Variants in POT1 observed in about 807,000 individuals in gnomAD.
The protein encoded by POT1 is protection of telomeres 1.
In POT1, 47 loss-of-function variants were observed where a neutral mutation model predicts 78.5. The observed-to-expected ratio is 0.60, with a 90% CI of 0.47 to 0.76. POT1 has a LOEUF of 0.76. Ranked by LOEUF, POT1 falls within the 30% of genes least tolerant of loss-of-function variation. POT1 has a pLI of 0.00. For missense variants in POT1, 646 were observed against 749.9 expected (o/e 0.86, Z 1.62); for synonymous variants, 259 against 260.7 (o/e 0.99, Z 0.06).
intron 16 of POT1, 113 bp from the exon 17 acceptor site, chr7:124,827,418 A>G (rs1794658405): frequency 4.2e-6 from 2 of 472,728 alleles, no homozygotes; most frequent in Non-Finnish European, 7.2e-6. Flanking sequence ...TACTAAAATA[A>G]CTCAAGATAC....
intron 2 of POT1, among the ~76,000 whole-genome samples, chr7:124,924,676 G>C (rs1425352760): frequency 6.6e-6 from 1 of 151,864 alleles, no homozygotes; most frequent in East Asian, 1.9e-4. Context: ...AAAAACTACA[G>C]ACTAGTATCT....
intron 15 of POT1, among the ~76,000 whole-genome samples, chr7:124,832,111 T>A (rs1794776005): frequency 6.6e-6 from 1 of 151,022 alleles, no homozygotes; most frequent in Non-Finnish European, 1.5e-5. Context: ...CTACAAAAAT[T>A]AGCCAGGTGT....
At chr7:124,876,380 T>G (rs565057627) in intron 6 of POT1, among the ~76,000 whole-genome samples, 34 of 152,220 alleles carry the variant, frequency 2.2e-4, no homozygotes, top group Non-Finnish European at 3.5e-4. Flanking sequence ...TGATTGTTTT[T>G]CCTATTATGC....
Position 124,852,956 on chromosome 7 carries a change from A to C in POT1, c.869+16T>G. On this transcript the variant is annotated intron_variant, in intron 10 of 18. Transcript: ENST00000357628. ...ATCGATACCTTATTTACATTTTCTA[A>C]ATACTAAAAGCTTACTTTTTCAGTT... is the stretch of plus-strand genomic sequence containing the variant. The C allele has an allele frequency of 6.2e-7, 1 of 1,603,004 alleles. No homozygotes were observed. The highest frequency in any genetic ancestry group is 2.2e-5 in the East Asian group (1 of 44,768).
At chr7:124,829,529 A>G (rs1584749389) in intron 15 of POT1, among the ~76,000 whole-genome samples, 187 bp from the exon 16 acceptor site, 1 of 152,214 alleles carries the variant, frequency 6.6e-6, no homozygotes, top group East Asian at 1.9e-4. Flanking sequence ...AGCTTATTAC[A>G]TAAGGGCAAT....
intron 11 of POT1, among the ~76,000 whole-genome samples, chr7:124,849,608 A>G (rs1032653995): frequency 7.9e-5 from 12 of 152,278 alleles, no homozygotes; most frequent in African/African-American, 2.9e-4. Flanking sequence ...CCTTAGATAC[A>G]TCGACCTCAC....
chr7:124,836,056 CCT>C, intron 14 of POT1, among the ~76,000 whole-genome samples: 1 of 152,216 alleles, frequency 6.6e-6, no homozygotes, highest in South Asian at 2.1e-4. Flanking sequence ...TTAAAAAATA[CCT>C]CTGTGTATTT....
intron 6 of POT1, among the ~76,000 whole-genome samples, chr7:124,879,780 A>G (rs1394015362): frequency 6.6e-6 from 1 of 152,138 alleles, no homozygotes; most frequent in Non-Finnish European, 1.5e-5. Context: ...AAAAATCACT[A>G]TCACTTCTCT....
chr7:124,928,376 A>G (rs1447632021), intron 2 of POT1, among the ~76,000 whole-genome samples: 1 of 152,212 alleles, frequency 6.6e-6, no homozygotes. Context: ...CAACATGCAC[A>G]TAAGGACTGC....
intron 15 of POT1, among the ~76,000 whole-genome samples, chr7:124,834,583 G>A (rs1361339277): frequency 6.6e-6 from 1 of 151,660 alleles, no homozygotes; most frequent in Non-Finnish European, 1.5e-5. Flanking sequence ...TCATTAAAAA[G>A]TCAGGAAACA....
chr7:124,864,385 C>G (rs1348682159), intron 7 of POT1, among the ~76,000 whole-genome samples: 2 of 152,020 alleles, frequency 1.3e-5, no homozygotes, highest in Non-Finnish European at 2.9e-5. Context: ...TCAATCTTTT[C>G]CTTGCAATTG....
rs112666171 is a variant in POT1 at position 124,848,088 on chromosome 7, CAT to C, written c.950-1092_950-1091del. ...CAACAATGTGATTAACTCTCAAAAA[CAT>C]ATAGTATATACAAAAAGAGTACATA... On this transcript the variant is annotated intron_variant, in intron 11 of 18. Transcript: ENST00000357628. 1.3e-3 allele frequency among the ~76,000 whole-genome samples: 201 copies of C among 152,222 alleles called. 1 individual carries two copies. The highest frequency in any genetic ancestry group is 4.5e-3 in the African/African-American group (188 of 41,544).
Position 124,892,362 on chromosome 7 carries a change from T to G in POT1, c.28A>C (p.Ile10Leu), listed in dbSNP as rs1584792042. 6.8e-7 allele frequency: 1 copy of G among 1,476,756 alleles called. No individual in the cohort carries two copies. Among genetic ancestry groups the G allele is most frequent in the Non-Finnish European group, 9.0e-7 (1 of 1,116,472 alleles). The allele number at this position is 1,476,756 out of a possible 1,614,324, so 91.5% of individuals were successfully genotyped here. MSLVPATNY[I>L]YTPLNQLKGG... ...TTAAGTTGATTCAGGGGTGTATATA[T>G]ATAATTTGTTGCTGGAACCTAAAGA... The change falls in exon 6 of 19, where the codon ATA (isoleucine) becomes CTA (leucine). Residue 10 changes from isoleucine to leucine, a missense_variant. Physicochemically the swap from Ile to Leu is conservative, Grantham distance 5. Around this residue, in one of 2 missense-constraint regions of POT1, gnomAD observed 252 missense variants for 341.4 expected, o/e 0.74. Coordinates refer to ENST00000357628, the MANE Select transcript of POT1 (RefSeq NM_015450.3).
chr7:124,845,149 A>G (rs1206549031), intron 12 of POT1, among the ~76,000 whole-genome samples: 1 of 152,220 alleles, frequency 6.6e-6, no homozygotes, highest in Non-Finnish European at 1.5e-5. Flanking sequence ...TATTACTATA[A>G]TCGAATTAAT....
intron 3 of POT1, among the ~76,000 whole-genome samples, chr7:124,906,652 AT>A (rs1207485518): frequency 6.6e-6 from 1 of 151,918 alleles, no homozygotes; most frequent in African/African-American, 2.4e-5. Context: ...AAAATAAAAA[AT>A]AAAATAAAAT....
At chr7:124,829,386 T>C in intron 15 of POT1, 44 bp from the exon 16 acceptor site, 1 of 1,290,182 alleles carries the variant, frequency 7.8e-7, no homozygotes, top group Non-Finnish European at 1.1e-6. Flanking sequence ...TAAAAATAAT[T>C]TAGCTTGTTT....
chr7:124,840,902 T>G (rs750419944), intron 14 of POT1, 71 bp downstream of exon 14: 39 of 1,264,066 alleles, frequency 3.1e-5, no homozygotes, highest in Admixed American at 2.0e-4. Context: ...GTAAAATGTA[T>G]TAAACAATAA....
chr7:124,885,790 A>AT (rs1796231029), intron 6 of POT1, among the ~76,000 whole-genome samples: 2 of 83,668 alleles, frequency 2.4e-5, no homozygotes, highest in Admixed American at 1.2e-4. Flanking sequence ...AAATAAAAAT[A>AT]AAAATAAAAT....
chr7:124,828,037 T>G (rs1794672822), intron 16 of POT1, among the ~76,000 whole-genome samples: 2 of 151,492 alleles, frequency 1.3e-5, no homozygotes, highest in Admixed American at 6.6e-5. Context: ...TGTCTCAAAA[T>G]AAATAAAAAT....
Sources: allele counts gnomAD v4.1 joint callset (sites outside exome capture counted in the v4.1 genomes callset), GRCh38; gene constraint gnomAD v4.1.1; regional missense constraint gnomAD v4.1.1; transcripts MANE v1.5; gene names NCBI Gene and HGNC (gene_info 2026-07-23, HGNC 2026-07-21).